The following SNX7 variants were observed in gnomAD, a reference collection of about 807,000 sequenced individuals.
SNX7 encodes the protein sorting nexin 7, also known as sorting nexin-7.
Under a neutral mutation model 48.4 loss-of-function variants are expected in SNX7, and 35 were observed. The observed-to-expected ratio is 0.72, with a 90% CI of 0.55 to 0.96. The LOEUF is 0.96. SNX7 is among the 40% of genes least tolerant of loss of function. The probability of loss-of-function intolerance (pLI) is 0.00; values close to 1 mark genes in which losing one functional copy is unlikely to be tolerated. For synonymous variants in SNX7, 190 were observed against 190.2 expected (o/e 1.00, Z 0.01); for missense variants, 553 against 548.9 (o/e 1.01, Z -0.07).
At chr1:98,725,234 A>T (rs1302086251) in intron 7 of SNX7, among the ~76,000 whole-genome samples, 6 of 152,220 alleles carry the variant, frequency 3.9e-5, no homozygotes, top group African/African-American at 7.2e-5. Context: ...TATGAAAATT[A>T]TTCCATGTTT....
chr1:98,691,334 G>A, intron 3 of SNX7, 149 bp downstream of exon 3: 1 of 579,846 alleles, frequency 1.7e-6, no homozygotes, highest in Non-Finnish European at 2.8e-6. Context: ...TTCAATCAAT[G>A]TACATTTTTT....
intron 7 of SNX7, among the ~76,000 whole-genome samples, chr1:98,728,834 A>AT (rs1415609442): frequency 1.3e-5 from 2 of 152,202 alleles, no homozygotes; most frequent in African/African-American, 4.8e-5. Flanking sequence ...AGATTCCCAC[A>AT]TAATAATAGT....
intron 7 of SNX7, among the ~76,000 whole-genome samples, chr1:98,717,758 C>T (rs1358899826): frequency 2.6e-5 from 4 of 151,958 alleles, no homozygotes; most frequent in African/African-American, 9.7e-5. Flanking sequence ...AGTTTCTTTC[C>T]TTAATGTATG....
chr1:98,750,103 A>C (rs1557838847), intron 8 of SNX7, among the ~76,000 whole-genome samples: 1 of 151,998 alleles, frequency 6.6e-6, no homozygotes, highest in Non-Finnish European at 1.5e-5. Context: ...TGGCTTTTAC[A>C]TATTCTATAA....
At chr1:98,702,532 A>G (rs913419164) in intron 7 of SNX7, among the ~76,000 whole-genome samples, 4 of 152,114 alleles carry the variant, frequency 2.6e-5, no homozygotes, top group African/African-American at 9.7e-5. Flanking sequence ...AATTCTAGAT[A>G]TAGATTATTT....
At position 98,691,668 on chromosome 1, in the gene SNX7, A is replaced by G. The variant is rs372150781; in HGVS notation, c.608A>G (p.Asp203Gly). 4 of 1,607,770 alleles carry G rather than the reference A, an allele frequency of 2.5e-6. No homozygotes were observed. Among genetic ancestry groups the G allele is most frequent in the Non-Finnish European group, 3.4e-6 (4 of 1,177,206 alleles). Reference sequence around the variant, plus strand: ...CATCCAACTTTAACATTTAATGAAGACTTCAAAATTTTTCTCACTGCACAA... The same window carrying G: ...CATCCAACTTTAACATTTAATGAAGGCTTCAAAATTTTTCTCACTGCACAA... Reference protein sequence around the residue: ...ADHPTLTFNEDFKIFLTAQAW... With the variant: ...ADHPTLTFNEGFKIFLTAQAW... Residue 203 changes from aspartate (D) to glycine (G), a missense_variant, in exon 4 of 9, where the codon GAC (aspartate) becomes GGC (glycine). Transcript: ENST00000306121.
chr1:98,759,972 C>G (rs1655031801), intron 8 of SNX7, 82 bp from the exon 9 acceptor site: 1 of 882,626 alleles, frequency 1.1e-6, no homozygotes, highest in Non-Finnish European at 1.9e-6. Context: ...GCAGTAGGAA[C>G]AGATGTGTTA....
chr1:98,688,568 TC>T (rs370884866), intron 2 of SNX7, among the ~76,000 whole-genome samples: 45 of 152,302 alleles, frequency 3.0e-4, no homozygotes, highest in African/African-American at 9.1e-4. Context: ...AGTTTCATTT[TC>T]CCTCAAAAAA....
At chr1:98,672,930 C>CAAAAAAAAAAAA in intron 1 of SNX7, among the ~76,000 whole-genome samples, 1 of 88,528 alleles carries the variant, frequency 1.1e-5, no homozygotes, top group Non-Finnish European at 2.1e-5. Context: ...GACTCCGTCT[C>CAAAAAAAAAAAA]AAAAAAAAAA....
intron 7 of SNX7, among the ~76,000 whole-genome samples, chr1:98,718,935 C>A (rs548401648): frequency 6.6e-6 from 1 of 152,166 alleles, no homozygotes; most frequent in East Asian, 1.9e-4. Context: ...TTTAACCTGA[C>A]CCCTGCTGGT....
intron 1 of SNX7, 169 bp downstream of exon 1, chr1:98,662,080 G>A: frequency 1.1e-5 from 7 of 629,920 alleles, no homozygotes; most frequent in Non-Finnish European, 1.6e-5. Context: ...AGCTCTGGCC[G>A]CACCCGGGGC....
chr1:98,753,135 T>C (rs1260689163), intron 8 of SNX7, among the ~76,000 whole-genome samples: 2 of 152,086 alleles, frequency 1.3e-5, no homozygotes, highest in Non-Finnish European at 2.9e-5. Context: ...AAGAAGGTGA[T>C]ACATAAAGCA....
intron 1 of SNX7, among the ~76,000 whole-genome samples, chr1:98,665,774 G>A (rs1286338875): frequency 6.6e-6 from 1 of 152,036 alleles, no homozygotes; most frequent in African/African-American, 2.4e-5. Flanking sequence ...ATTTTTAGTA[G>A]AGACAGGGTT....
intron 7 of SNX7, among the ~76,000 whole-genome samples, chr1:98,734,810 A>G (rs1483192328): frequency 6.6e-6 from 1 of 152,140 alleles, no homozygotes; most frequent in Non-Finnish European, 1.5e-5. Context: ...TCACTATCTT[A>G]CAGTCTTTTA....
In SNX7 at chr1:98,661,820, C is replaced by T. The variant is rs1423862936; in HGVS notation, c.89C>T (p.Pro30Leu). The change falls in exon 1 of 9, where the codon CCC (proline) becomes CTC (leucine). Residue 30 changes from proline to leucine, a missense_variant. Pro to Leu is a moderately conservative substitution (Grantham distance 98). Coordinates refer to ENST00000306121, the MANE Select transcript of SNX7 (RefSeq NM_015976.5). ...ANGESPGGGA[P>L]FPGSSGSSAL... ...GGGGAGAGCCCGGGGGGCGGCGCCC[C>T]CTTTCCGGGCAGCAGTGGCTCTTCC... 2.4e-6 allele frequency: 3 copies of T among 1,245,856 alleles called. No homozygotes were observed. The highest frequency in any genetic ancestry group is 3.0e-4 in the Middle Eastern group (1 of 3,288). The allele number at this position is 1,245,856 out of a possible 1,614,324, so 77.2% of individuals were successfully genotyped here.
intron 7 of SNX7, among the ~76,000 whole-genome samples, chr1:98,735,922 C>G (rs1557830538): frequency 6.6e-6 from 1 of 152,116 alleles, no homozygotes; most frequent in Non-Finnish European, 1.5e-5. Context: ...GTCCTTCTTT[C>G]TGCAGGTGAC....
intron 7 of SNX7, among the ~76,000 whole-genome samples, chr1:98,715,259 T>A (rs796662047): frequency 3.3e-5 from 5 of 152,302 alleles, no homozygotes; most frequent in African/African-American, 1.2e-4. Context: ...TGCCTCCTAT[T>A]TTAACTTGTT....
intron 7 of SNX7, among the ~76,000 whole-genome samples, chr1:98,720,989 G>T (rs926546296): frequency 1.3e-5 from 2 of 151,990 alleles, no homozygotes; most frequent in African/African-American, 2.4e-5. Flanking sequence ...AAATACTATG[G>T]TAGTCATCAG....
intron 2 of SNX7, among the ~76,000 whole-genome samples, chr1:98,689,593 T>C (rs1275917672): frequency 1.3e-5 from 2 of 152,228 alleles, no homozygotes; most frequent in African/African-American, 4.8e-5. Context: ...AATCTTATTT[T>C]AACTGCTGGT....
Sources: gnomAD v4.1 joint callset for allele counts (sites outside exome capture counted in the v4.1 genomes callset) on GRCh38, gnomAD v4.1.1 for gene constraint, MANE v1.5 for transcripts, NCBI Gene and HGNC (gene_info 2026-07-23, HGNC 2026-07-21) for gene names.